MTMR2: variants seen among roughly 807,000 people sequenced by gnomAD.
MTMR2 encodes the protein myotubularin related protein 2.
MTMR2 carries 55 observed loss-of-function variants against 86.9 expected under a neutral mutation model. That is an observed-to-expected ratio of 0.63 (90% CI 0.51 to 0.79). The LOEUF (loss-of-function observed/expected upper bound fraction) is 0.79, where lower values mean the gene tolerates loss of function less well. Among genes scored for constraint, MTMR2 ranks in the 30% least tolerant of loss-of-function variants. The pLI is 0.00. For synonymous variants in MTMR2, 241 were observed against 266.8 expected (o/e 0.90, Z 0.94); for missense variants, 659 against 772.3 (o/e 0.85, Z 1.74).
chr11:95,895,688 G>A (rs1352433423), intron 1 of MTMR2, among the ~76,000 whole-genome samples: 1 of 152,100 alleles, frequency 6.6e-6, no homozygotes, highest in Non-Finnish European at 1.5e-5. Flanking sequence ...TTGGAAGACA[G>A]TCTGGTAGTT....
chr11:95,868,653 A>G (rs1864729878), intron 2 of MTMR2, among the ~76,000 whole-genome samples: 1 of 152,278 alleles, frequency 6.6e-6, no homozygotes, highest in Non-Finnish European at 1.5e-5. Flanking sequence ...AGAAGAGTTT[A>G]CCATGTTCCA....
chr11:95,918,418 A>G (rs893541899), intron 1 of MTMR2, among the ~76,000 whole-genome samples: 1 of 152,236 alleles, frequency 6.6e-6, no homozygotes, highest in Non-Finnish European at 1.5e-5. Flanking sequence ...AATTATTGAT[A>G]ATAGCATAAA....
chr11:95,901,983 G>A (rs958796252), intron 1 of MTMR2, among the ~76,000 whole-genome samples: 9 of 152,154 alleles, frequency 5.9e-5, no homozygotes, highest in Admixed American at 4.6e-4. Flanking sequence ...TTAGAATTCA[G>A]TATGAATCCA....
intron 9 of MTMR2, among the ~76,000 whole-genome samples, chr11:95,848,902 C>G (rs941992267): frequency 6.6e-6 from 1 of 152,078 alleles, no homozygotes; most frequent in Admixed American, 6.6e-5. Context: ...ACTTTCAATT[C>G]AAATTTGTTG....
chr11:95,847,389 A>G (rs1456347298), intron 10 of MTMR2, among the ~76,000 whole-genome samples: 2 of 152,174 alleles, frequency 1.3e-5, no homozygotes, highest in African/African-American at 4.8e-5. Context: ...AAGACAGGGT[A>G]AAGAGTTCAG....
At chr11:95,837,141 A>C (rs946871429) in intron 13 of MTMR2, among the ~76,000 whole-genome samples, 1 of 152,058 alleles carries the variant, frequency 6.6e-6, no homozygotes, top group Non-Finnish European at 1.5e-5. Context: ...AGAAATACTT[A>C]CTGCATGCTA....
chr11:95,860,818 A>G (rs905759051), intron 5 of MTMR2, among the ~76,000 whole-genome samples: 2 of 152,220 alleles, frequency 1.3e-5, no homozygotes, highest in Non-Finnish European at 2.9e-5. Flanking sequence ...AAATAAGAAC[A>G]TAAGAAAAGT....
At position 95,834,004 on chromosome 11, in the gene MTMR2, CA is replaced by C. The variant is rs1169551168; in HGVS notation, c.*1285del. 1 of 152,294 alleles carries C rather than the reference CA, an allele frequency of 6.6e-6. No homozygotes were observed. Among genetic ancestry groups the C allele is most frequent in the Non-Finnish European group, 1.5e-5 (1 of 67,962 alleles). 9.4% of individuals were successfully genotyped at this position (152,294 alleles called of 1,614,324 possible). ...TAAGGAAAAATGGGTACAAACTGAA[CA>C]TTTTCATCTGGGGTGCATATTCCTC... On this transcript the variant is annotated 3_prime_UTR_variant, in exon 15 of 15. Coordinates refer to ENST00000346299, the MANE Select transcript of MTMR2 (RefSeq NM_016156.6).
At position 95,923,883 on chromosome 11, in the gene MTMR2, G is replaced by A. The variant is rs1301090902; in HGVS notation, c.72C>T (p.Ser24=). 3.2e-6 allele frequency: 5 copies of A among 1,555,016 alleles called. No individual in the cohort carries two copies. The Admixed American group carries it at 7.8e-5, about 24-fold the overall frequency. The change falls in exon 1 of 15, where the codon TCC becomes TCT. Residue 24 remains serine (S), a synonymous_variant. Transcript: ENST00000346299. ...PAAARPPSVD[S]LSSASTSHSE... ...CTGGGCGTCCTGGTTACCTGGACAA[G>A]GAGTCCACGCTGGGCGGCCGAGCCG...
chr11:95,890,449 G>A (rs531293051), intron 1 of MTMR2, among the ~76,000 whole-genome samples: 1 of 152,124 alleles, frequency 6.6e-6, no homozygotes, highest in Admixed American at 6.5e-5. Flanking sequence ...TCTTCCTTGT[G>A]GCTAGGAGAG....
At chr11:95,854,062 A>G (rs1336803042) in intron 7 of MTMR2, among the ~76,000 whole-genome samples, 4 of 152,200 alleles carry the variant, frequency 2.6e-5, no homozygotes, top group Non-Finnish European at 5.9e-5. Context: ...AGGGTGGGGT[A>G]GGAATGAGAA....
intron 2 of MTMR2, among the ~76,000 whole-genome samples, chr11:95,883,701 T>C (rs1462514477): frequency 2.6e-5 from 4 of 152,170 alleles, no homozygotes. Context: ...GTTCAAGATA[T>C]ATCTAGACTA....
chr11:95,838,071 GA>G, intron 13 of MTMR2, 22 bp downstream of exon 13: 1 of 1,356,276 alleles, frequency 7.4e-7, no homozygotes, highest in Admixed American at 1.7e-5. Flanking sequence ...ATAGTATGGG[GA>G]AGGTCATGTT....
At chr11:95,840,295 T>C (rs1477234682) in intron 12 of MTMR2, among the ~76,000 whole-genome samples, 1 of 152,178 alleles carries the variant, frequency 6.6e-6, no homozygotes. Flanking sequence ...ACTCCTTTGA[T>C]GGCGAATTTT....
At chr11:95,894,983 A>G (rs187889595) in intron 1 of MTMR2, among the ~76,000 whole-genome samples, 2 of 152,278 alleles carry the variant, frequency 1.3e-5, no homozygotes, top group Non-Finnish European at 2.9e-5. Context: ...AATTTCATGA[A>G]GAAACAATTT....
intron 7 of MTMR2, among the ~76,000 whole-genome samples, chr11:95,856,011 C>A (rs1864196460): frequency 6.6e-6 from 1 of 151,890 alleles, no homozygotes; most frequent in Non-Finnish European, 1.5e-5. Context: ...TGAGTTACAT[C>A]TCAATTTAAA....
intron 1 of MTMR2, among the ~76,000 whole-genome samples, chr11:95,913,606 A>T (rs541338895): frequency 6.6e-6 from 1 of 152,274 alleles, no homozygotes; most frequent in East Asian, 1.9e-4. Flanking sequence ...GAAAAACACT[A>T]ATTGGTTGAT....
intron 2 of MTMR2, among the ~76,000 whole-genome samples, chr11:95,886,242 A>G (rs112264626): frequency 6.6e-6 from 1 of 152,200 alleles, no homozygotes; most frequent in African/African-American, 2.4e-5. Flanking sequence ...TAGCTTACTA[A>G]TGTAAGATGT....
intron 2 of MTMR2, among the ~76,000 whole-genome samples, chr11:95,882,932 G>T: frequency 1.7e-5 from 2 of 114,494 alleles, no homozygotes. Flanking sequence ...TATTTTTAGA[G>T]AGACGGGGTT....
Sources: allele counts gnomAD v4.1 joint callset (sites outside exome capture counted in the v4.1 genomes callset), GRCh38; gene constraint gnomAD v4.1.1; transcripts MANE v1.5; gene names NCBI Gene and HGNC (gene_info 2026-07-23, HGNC 2026-07-21).